Variants in CIT observed in about 807,000 individuals in gnomAD.
CIT encodes the protein citron Rho-interacting kinase.
CIT carries 79 observed loss-of-function variants against 272.7 expected under a neutral mutation model. The observed-to-expected ratio is 0.29, with a 90% confidence interval of 0.24 to 0.35. The LOEUF is 0.35. Among genes scored for constraint, CIT ranks in the 10% least tolerant of loss-of-function variants. The pLI is 1.00. For synonymous variants in CIT, 948 were observed against 995.6 expected (o/e 0.95, Z 0.90); for missense variants, 1,909 against 2,618.3 (o/e 0.73, Z 5.91).
At position 119,803,314 on chromosome 12, in the gene CIT, C is replaced by G; in HGVS notation, c.1187G>C (p.Trp396Ser). The change falls in exon 10 of 48, where the codon TGG becomes TCG. Residue 396 changes from tryptophan to serine, a missense_variant. Transcript: ENST00000392521. ...CAGCTGGCACGGAGAGGATGAAACCCACGAATTCTTCTCTGGTTCATCAAA... is the reference window on the plus strand; with the variant it reads ...CAGCTGGCACGGAGAGGATGAAACCGACGAATTCTTCTCTGGTTCATCAAA... The part of the protein sequence containing the change: ...SNFDEPEKNS[W>S]VSSSPCQLSP... The G allele has an allele frequency of 6.2e-7, 1 of 1,608,764 alleles. No individual in the cohort carries two copies. Among genetic ancestry groups the G allele is most frequent in the Non-Finnish European group, 8.5e-7 (1 of 1,177,554 alleles).
chr12:119,811,849 A>T (rs974245049), intron 9 of CIT, among the ~76,000 whole-genome samples: 1 of 152,222 alleles, frequency 6.6e-6, no homozygotes, highest in Non-Finnish European at 1.5e-5. Context: ...TCAGAAGAGG[A>T]ACGTTTCAAA....
chr12:119,712,812 G>C lies in CIT; in HGVS notation c.4580-117C>G. Reference sequence around the variant, plus strand: ...GAGAGACAGGGTACGTGTGTAAAGAGAGGCGCACGAGAACAAGGAAGGGAC... The same window carrying C: ...GAGAGACAGGGTACGTGTGTAAAGACAGGCGCACGAGAACAAGGAAGGGAC... On this transcript the variant is annotated intron_variant, in intron 35 of 47. Transcript: ENST00000392521. The surrounding 1 kb of genome is among the most constrained non-coding windows in gnomAD (Gnocchi z 5.2). The C allele has an allele frequency of 1.3e-6, 1 of 757,110 alleles. No individual in the cohort carries two copies. 46.9% of individuals were successfully genotyped at this position (757,110 alleles called of 1,614,324 possible).
intron 1 of CIT, among the ~76,000 whole-genome samples, chr12:119,876,964 G>A (rs1950869975): frequency 6.6e-6 from 1 of 152,194 alleles, no homozygotes; most frequent in African/African-American, 2.4e-5. Context: ...TGCAGTTAGT[G>A]CTGACAGGAG....
Position 119,700,734 on chromosome 12 carries a change from G to A in CIT, c.5623+11C>T, listed in dbSNP as rs759827877. On this transcript the variant is annotated intron_variant, in intron 44 of 47. Transcript: ENST00000392521. The stretch of plus-strand genomic sequence containing the variant: ...GGCAAAAGAGAAGCCCCCACACTGA[G>A]CCTCACGTACCAAAGGCCAAAGGTA... 1.9e-6 allele frequency: 3 copies of A among 1,590,668 alleles called. No individual in the cohort carries two copies. The highest frequency in any genetic ancestry group is 3.3e-5 in the Admixed American group (2 of 59,804).
At chr12:119,842,537 A>G (rs1969480206) in intron 5 of CIT, among the ~76,000 whole-genome samples, 1 of 152,186 alleles carries the variant, frequency 6.6e-6, no homozygotes, top group African/African-American at 2.4e-5. Context: ...CCAGATCAAC[A>G]GAGCACTGTT....
chr12:119,865,325 A>C (rs1593999751), intron 3 of CIT, among the ~76,000 whole-genome samples: 1 of 152,278 alleles, frequency 6.6e-6, no homozygotes, highest in East Asian at 1.9e-4. Flanking sequence ...TCATCACATA[A>C]CTTCCTTCCC....
intron 2 of CIT, among the ~76,000 whole-genome samples, chr12:119,869,853 C>T (rs185095361): frequency 4.6e-5 from 7 of 152,304 alleles, no homozygotes; most frequent in Admixed American, 3.3e-4. Context: ...CTGGCACATC[C>T]GGCAACACTG....
rs1318011010 is a variant in CIT at position 119,728,899 on chromosome 12, A to C, written c.3487-293T>G. 6.6e-6 allele frequency among the ~76,000 whole-genome samples: 1 copy of C among 152,228 alleles called. No homozygotes were observed. The highest frequency in any genetic ancestry group is 2.1e-4 in the South Asian group (1 of 4,832). ...ATCTGACATGCTTTGGCTGAATTTA[A>C]TTAAATAATCATACGCTGAATGCTT... On this transcript the variant is annotated intron_variant, in intron 27 of 47. Coordinates refer to ENST00000392521, the MANE Select transcript of CIT (RefSeq NM_001206999.2). This position sits in a 1 kb window ranked among gnomAD's most constrained non-coding sequence, Gnocchi z 4.3.
chr12:119,814,791 C>T (rs1966987368), intron 9 of CIT, among the ~76,000 whole-genome samples: 1 of 152,150 alleles, frequency 6.6e-6, no homozygotes, highest in Admixed American at 6.5e-5. Flanking sequence ...AATCCCAGCA[C>T]TTTGGGAGGC....
rs1052392627 is a variant in CIT, at chr12:119,804,581, T to C, written c.1112-1192A>G. On this transcript the variant is annotated intron_variant, in intron 9 of 47. Coordinates refer to ENST00000392521, the MANE Select transcript of CIT (RefSeq NM_001206999.2). The surrounding 1 kb of genome is among the most constrained non-coding windows in gnomAD (Gnocchi z 5.3). Reference sequence around the variant, plus strand: ...AGCCCTTCACAGCCCAGACTTCTTTTTAACTCCTCGTTTTCTGGACAAAGC... The same window carrying C: ...AGCCCTTCACAGCCCAGACTTCTTTCTAACTCCTCGTTTTCTGGACAAAGC... 1.1e-5 allele frequency: 8 copies of C among 730,706 alleles called. No individual in the cohort carries two copies. The highest frequency in any genetic ancestry group is 1.3e-5 in the Non-Finnish European group (8 of 597,458). The allele number at this position is 730,706 out of a possible 1,614,324, so 45.3% of individuals were successfully genotyped here. A position where few individuals can be genotyped will look rare whatever the true frequency, so the allele number is the denominator to read the frequency against.
chr12:119,718,403 T>G lies in CIT; in HGVS notation c.4010A>C (p.His1337Pro). ...ELRSAREEAA[H>P]RKATDHPHPS... is the part of the protein sequence containing the mutation. ...GTGTGGGTGGTCCGTTGCTTTGCGG[T>G]GGGCAGCTGCAGAGAGACCAGGACA... The change falls in exon 32 of 48, where the codon CAC becomes CCC. Residue 1337 changes from histidine (H) to proline (P), a missense_variant. Around this residue, in one of 8 missense-constraint regions of CIT, gnomAD observed 780 missense variants for 1,067.2 expected, o/e 0.73. Coordinates refer to ENST00000392521, the MANE Select transcript of CIT (RefSeq NM_001206999.2). This position sits in a 1 kb window ranked among gnomAD's most constrained non-coding sequence, Gnocchi z 4.8. The G allele has an allele frequency of 6.2e-7, 1 of 1,611,628 alleles. No homozygotes were observed. Among genetic ancestry groups the G allele is most frequent in the Non-Finnish European group, 8.5e-7 (1 of 1,178,878 alleles).
intron 5 of CIT, among the ~76,000 whole-genome samples, chr12:119,843,495 G>A (rs1169973625): frequency 6.6e-6 from 1 of 152,124 alleles, no homozygotes; most frequent in Admixed American, 6.6e-5. Context: ...GTAGAATCCT[G>A]TTGTTTTTTT....
chr12:119,744,449 G>A (rs778147334), intron 23 of CIT, among the ~76,000 whole-genome samples: 7 of 151,374 alleles, frequency 4.6e-5, no homozygotes, highest in African/African-American at 7.3e-5. Context: ...GAGGCCAGGC[G>A]CAGTGGCTCA....
Position 119,690,578 on chromosome 12 carries a change from G to T in CIT, c.5883-124C>A. On this transcript the variant is annotated intron_variant, in intron 46 of 47. Coordinates refer to ENST00000392521, the MANE Select transcript of CIT (RefSeq NM_001206999.2). This position sits in a 1 kb window ranked among gnomAD's most constrained non-coding sequence, Gnocchi z 6.0. ...CACTGATTATCAAGAGATTAGACCT[G>T]GAGTTCTTTGGACTTTGCCTGCATT... 1.1e-6 allele frequency: 1 copy of T among 920,868 alleles called. No individual in the cohort carries two copies. Among genetic ancestry groups the T allele is most frequent in the Non-Finnish European group, 1.6e-6 (1 of 644,604 alleles). The allele number at this position is 920,868 out of a possible 1,614,324, so 57.0% of individuals were successfully genotyped here.
At chr12:119,707,049 A>AAATG (rs1555219861) in intron 40 of CIT, among the ~76,000 whole-genome samples, 4 of 152,040 alleles carry the variant, frequency 2.6e-5, no homozygotes, top group African/African-American at 9.7e-5. Context: ...AGTTCTCATG[A>AAATG]ACTTTGTTAT....
rs546730297 is a variant in CIT at position 119,721,455 on chromosome 12, G to T, written c.3592-6C>A. 5.0e-6 allele frequency: 8 copies of T among 1,599,946 alleles called. No individual in the cohort carries two copies. In the South Asian group the frequency reaches 8.9e-5, roughly 18 times the overall value. ...TGCTGCTGTAATTTGGCTTGCTAGT[G>T]GGGAGAAGGGCCAGGGAAATGCTTG... On this transcript the variant is annotated splice_polypyrimidine_tract_variant and splice_region_variant and intron_variant, in intron 28 of 47. Transcript: ENST00000392521.
intron 32 of CIT, among the ~76,000 whole-genome samples, chr12:119,717,838 C>CCTTTTTTTTTTTTTTTTTT (rs1957598855): frequency 7.7e-4 from 63 of 81,332 alleles, no homozygotes; most frequent in Non-Finnish European, 1.4e-3. Flanking sequence ...TGACTTCTTT[C>CCTTTTTTTTTTTTTTTTTT]TTTTTTTTTT....
intron 17 of CIT, among the ~76,000 whole-genome samples, chr12:119,771,435 TAGCAGAAACAC>T (rs1193844478): frequency 6.6e-6 from 1 of 151,858 alleles, no homozygotes; most frequent in Admixed American, 6.6e-5. Flanking sequence ...GGAGACACAC[TAGCAGAAACAC>T]AGCAGTAGTC....
At chr12:119,803,990 T>C in intron 9 of CIT, 4 of 192,094 alleles carry the variant, frequency 2.1e-5, no homozygotes, top group Non-Finnish European at 3.7e-5. Flanking sequence ...ATTAACCACT[T>C]TTTTTTTTTT....
Sources: gnomAD v4.1 joint callset for allele counts (sites outside exome capture counted in the v4.1 genomes callset) on GRCh38, gnomAD v4.1.1 for gene constraint, gnomAD v4.1.1 regional missense constraint, Gnocchi (gnomAD v3.1) non-coding constraint, MANE v1.5 for transcripts, NCBI Gene and HGNC (gene_info 2026-07-23, HGNC 2026-07-21) for gene names.